Variants in HNF4G observed in about 807,000 individuals in gnomAD.
The protein encoded by HNF4G is hepatocyte nuclear factor 4-gamma.
HNF4G carries 21 observed loss-of-function variants against 50.9 expected under a neutral mutation model. That is an observed-to-expected ratio of 0.41 (90% CI 0.29 to 0.59). HNF4G has a LOEUF of 0.59. Ranked by LOEUF, HNF4G falls within the 20% of genes least tolerant of loss-of-function variation. HNF4G has a pLI of 0.26. For synonymous variants in HNF4G, 198 were observed against 185.6 expected (o/e 1.07, Z -0.54); for missense variants, 527 against 559.4 (o/e 0.94, Z 0.58).
At chr8:75,507,676 T>C (rs1388768643) in intron 2 of HNF4G, among the ~76,000 whole-genome samples, 1 of 152,212 alleles carries the variant, frequency 6.6e-6, no homozygotes, top group East Asian at 1.9e-4. Flanking sequence ...TGCTATACTC[T>C]TCAAATACTG....
At chr8:75,470,204 A>G (rs890650474) in intron 1 of HNF4G, among the ~76,000 whole-genome samples, 1 of 152,200 alleles carries the variant, frequency 6.6e-6, no homozygotes, top group Non-Finnish European at 1.5e-5. Context: ...TTCTCACTGC[A>G]TTCTGCACAA....
chr8:75,530,776 C>T (rs1806305757), intron 2 of HNF4G, among the ~76,000 whole-genome samples: 1 of 146,208 alleles, frequency 6.8e-6, no homozygotes, highest in Non-Finnish European at 1.5e-5. Context: ...AAGACAGTGG[C>T]AGGCATTGTT....
chr8:75,448,613 G>A (rs1041346198), intron 1 of HNF4G, among the ~76,000 whole-genome samples: 6 of 151,500 alleles, frequency 4.0e-5, no homozygotes, highest in Non-Finnish European at 8.8e-5. Flanking sequence ...TATGTATAAG[G>A]GGGAAACTGA....
chr8:75,424,235 T>C (rs1044355913), intron 1 of HNF4G, among the ~76,000 whole-genome samples: 1 of 152,212 alleles, frequency 6.6e-6, no homozygotes, highest in Non-Finnish European at 1.5e-5. Context: ...TTTTTCCTTA[T>C]TAAAGTAATA....
intron 1 of HNF4G, among the ~76,000 whole-genome samples, chr8:75,417,975 A>G (rs998726489): frequency 1.3e-5 from 2 of 152,090 alleles, no homozygotes; most frequent in East Asian, 3.9e-4. Context: ...ACACACACAC[A>G]CACACACACA....
At chr8:75,511,666 C>T (rs1805754740) in intron 2 of HNF4G, among the ~76,000 whole-genome samples, 1 of 152,256 alleles carries the variant, frequency 6.6e-6, no homozygotes, top group Non-Finnish European at 1.5e-5. Flanking sequence ...TCTCGGCTCA[C>T]TGCAAGCTCT....
intron 2 of HNF4G, among the ~76,000 whole-genome samples, chr8:75,503,970 T>A (rs1241827328): frequency 1.3e-5 from 2 of 152,120 alleles, no homozygotes; most frequent in African/African-American, 4.8e-5. Flanking sequence ...AATAAAATTC[T>A]GGGTGTATTG....
At chr8:75,476,842 G>C (rs904891020) in intron 1 of HNF4G, among the ~76,000 whole-genome samples, 33 of 152,192 alleles carry the variant, frequency 2.2e-4, no homozygotes, top group South Asian at 2.1e-4. Flanking sequence ...AATGCATGCA[G>C]TGAGGTCAGG....
intron 2 of HNF4G, among the ~76,000 whole-genome samples, chr8:75,503,233 A>G (rs542633630): frequency 1.3e-5 from 2 of 152,330 alleles, no homozygotes; most frequent in Admixed American, 6.5e-5. Flanking sequence ...TTTGCTGCTT[A>G]CTAAGCCTTG....
chr8:75,493,431 C>G (rs548850856), intron 2 of HNF4G, among the ~76,000 whole-genome samples: 11 of 151,992 alleles, frequency 7.2e-5, no homozygotes, highest in African/African-American at 2.4e-4. Context: ...ATAGCTTTGC[C>G]AAATGTTTAT....
intron 1 of HNF4G, among the ~76,000 whole-genome samples, chr8:75,410,299 G>C (rs1810470195): frequency 6.6e-6 from 1 of 152,064 alleles, no homozygotes; most frequent in African/African-American, 2.4e-5. Flanking sequence ...TATATTTCTT[G>C]TACCATGCTT....
intron 5 of HNF4G, among the ~76,000 whole-genome samples, 155 bp from the exon 6 acceptor site, chr8:75,555,827 C>T (rs1807101542): frequency 6.6e-6 from 1 of 151,088 alleles, no homozygotes; most frequent in Non-Finnish European, 1.5e-5. Flanking sequence ...TGATAGAAAA[C>T]TGGAAGGCTT....
intron 1 of HNF4G, among the ~76,000 whole-genome samples, chr8:75,455,966 A>G (rs1051934056): frequency 6.6e-6 from 1 of 152,130 alleles, no homozygotes; most frequent in Admixed American, 6.6e-5. Flanking sequence ...ATAGAATTAG[A>G]TATTTTAAAT....
chr8:75,548,405 A>G (rs945142223), intron 3 of HNF4G, among the ~76,000 whole-genome samples: 3 of 152,166 alleles, frequency 2.0e-5, no homozygotes, highest in Admixed American at 2.0e-4. Context: ...CTTGTTGAAC[A>G]CTGCAATTTT....
intron 1 of HNF4G, among the ~76,000 whole-genome samples, chr8:75,422,193 T>C (rs976514420): frequency 6.6e-6 from 1 of 152,202 alleles, no homozygotes; most frequent in East Asian, 1.9e-4. Flanking sequence ...AGTGTCTATT[T>C]TCTAGGTCCA....
chr8:75,409,423 A>G (rs1191444823), intron 1 of HNF4G, among the ~76,000 whole-genome samples: 1 of 150,052 alleles, frequency 6.7e-6, no homozygotes, highest in Non-Finnish European at 1.5e-5. Context: ...GATTGCTAAG[A>G]TTAAAAAAAA....
At chr8:75,448,512 TAAA>T (rs1188409041) in intron 1 of HNF4G, among the ~76,000 whole-genome samples, 1 of 138,958 alleles carries the variant, frequency 7.2e-6, no homozygotes, top group Admixed American at 7.2e-5. Flanking sequence ...ACAAATACCT[TAAA>T]AAAAAAAAGA....
intron 1 of HNF4G, among the ~76,000 whole-genome samples, chr8:75,428,641 A>G (rs1469648426): frequency 4.6e-5 from 7 of 152,202 alleles, no homozygotes; most frequent in Non-Finnish European, 1.0e-4. Context: ...GGAAAAAAAG[A>G]GGAATATTTG....
At chr8:75,558,736 A>C in intron 7 of HNF4G, 65 bp from the exon 8 acceptor site, 1 of 1,580,342 alleles carries the variant, frequency 6.3e-7, no homozygotes, top group South Asian at 1.1e-5. Context: ...CAATATTAGA[A>C]TATTTATTGT....
Sources: allele counts gnomAD v4.1 joint callset (sites outside exome capture counted in the v4.1 genomes callset), GRCh38; gene constraint gnomAD v4.1.1; transcripts MANE v1.5; gene names NCBI Gene and HGNC (gene_info 2026-07-23, HGNC 2026-07-21).